CDYL: variants seen among roughly 807,000 people sequenced by gnomAD.
The protein encoded by CDYL is chromodomain Y-like protein.
A neutral mutation model predicts 47.3 loss-of-function variants in CDYL; 8 were observed. The observed-to-expected ratio is 0.17, with a 90% confidence interval of 0.10 to 0.31. The LOEUF is 0.31. Ranked by LOEUF, CDYL falls within the 10% of genes least tolerant of loss-of-function variation. CDYL has a pLI of 1.00. For synonymous variants in CDYL, 266 were observed against 265.0 expected (o/e 1.00, Z -0.04); for missense variants, 471 against 701.4 (o/e 0.67, Z 3.71).
At position 4,776,637 on chromosome 6, in the gene CDYL, A is replaced by T; in HGVS notation, c.-147A>T. The T allele has an allele frequency of 3.6e-6, 2 of 553,110 alleles. No homozygotes were observed. The highest frequency in any genetic ancestry group is 2.1e-5 in the African/African-American group (1 of 47,312). 34.3% of individuals were successfully genotyped at this position (553,110 alleles called of 1,614,324 possible). A position where few individuals can be genotyped will look rare whatever the true frequency, so the allele number is the denominator to read the frequency against. The stretch of plus-strand genomic sequence containing the variant: ...CCGGCCCGCACTGGCCGCGGAGTGC[A>T]AGAGGCTCGTCCGTGCCCAGCGCCC... On this transcript the variant is annotated 5_prime_UTR_variant, in exon 1 of 7. Transcript: ENST00000397588.
chr6:4,883,895 A>G (rs79744005), intron 1 of CDYL, among the ~76,000 whole-genome samples: 4,044 of 152,274 alleles, frequency 0.027, 59 homozygotes, highest in Middle Eastern at 0.088. Flanking sequence ...AAAAAACTCC[A>G]TCAGATCCTG....
Position 4,776,738 on chromosome 6 carries a change from G to GCCCC in CDYL, c.-43_-42insCCCC. 2.4e-6 allele frequency: 3 copies of GCCCC among 1,250,236 alleles called. No homozygotes were observed. The highest frequency in any genetic ancestry group is 3.1e-6 in the Non-Finnish European group (3 of 969,228). 77.4% of individuals were successfully genotyped at this position (1,250,236 alleles called of 1,614,324 possible). On this transcript the variant is annotated 5_prime_UTR_variant, in exon 1 of 7. Coordinates refer to ENST00000397588, the MANE Select transcript of CDYL (RefSeq NM_004824.4). ...AAAGTGTCGGCCGCCCGGCGCCGGC[G>GCCCC]CCCGCCCCGACCCTGCCCCTCCCGC...
At chr6:4,798,437 GTCC>G (rs1275763729) in intron 1 of CDYL, among the ~76,000 whole-genome samples, 1 of 152,112 alleles carries the variant, frequency 6.6e-6, no homozygotes, top group Admixed American at 6.5e-5. Context: ...AAAGTCTCCT[GTCC>G]TCCTTTTCTA....
intron 2 of CDYL, among the ~76,000 whole-genome samples, chr6:4,734,231 G>T (rs9378411): frequency 0.078 from 11,730 of 151,132 alleles, 495 homozygotes; most frequent in East Asian, 0.15. Context: ...CAGCTGTCCT[G>T]ACAGTCAAAC....
chr6:4,805,664 C>T (rs9502240), intron 1 of CDYL, among the ~76,000 whole-genome samples: 6 of 152,176 alleles, frequency 3.9e-5, no homozygotes, highest in African/African-American at 1.2e-4. Context: ...ACTGAAGGCC[C>T]GGGAACCAGG....
At chr6:4,740,264 G>GAACA (rs1482999210) in intron 3 of CDYL, among the ~76,000 whole-genome samples, 1 of 152,160 alleles carries the variant, frequency 6.6e-6, no homozygotes, top group Non-Finnish European at 1.5e-5. Flanking sequence ...GTGTATCACA[G>GAACA]AACAACACAG....
intron 2 of CDYL, among the ~76,000 whole-genome samples, chr6:4,911,446 G>T (rs1003437749): frequency 2.6e-5 from 4 of 152,194 alleles, no homozygotes; most frequent in African/African-American, 7.2e-5. Flanking sequence ...AAACAGTTTT[G>T]CCCTAGGTCA....
upstream of CDYL, chr6:4,774,758 C>G (rs1758393274): frequency 6.6e-6 from 1 of 152,194 alleles, no homozygotes; most frequent in Non-Finnish European, 1.5e-5. Flanking sequence ...GTAGACAAAC[C>G]TTAAAATACA....
At chr6:4,895,625 A>G (rs896834341) in intron 2 of CDYL, among the ~76,000 whole-genome samples, 22 of 151,968 alleles carry the variant, frequency 1.4e-4, no homozygotes, top group Admixed American at 6.5e-5. Flanking sequence ...CAAGGTTAAG[A>G]GCTCTAGTCC....
Position 4,709,438 on chromosome 6 carries a change from C to T in CDYL, c.-39+3187C>T, listed in dbSNP as rs180812912. 2.2e-3 allele frequency among the ~76,000 whole-genome samples: 328 copies of T among 152,238 alleles called. 3 individuals are homozygous for T. Among genetic ancestry groups the T allele is most frequent in the African/African-American group, 7.8e-3 (323 of 41,542 alleles). ...GTCTTGAACTTCTGACCTTGTGATC[C>T]GCCTGCCTCGGCTTCCCAAAGTGCT... On this transcript the variant is annotated intron_variant, in intron 1 of 8. Transcript: ENST00000328908.
At chr6:4,712,242 T>C (rs374479116) in intron 1 of CDYL, among the ~76,000 whole-genome samples, 1 of 152,068 alleles carries the variant, frequency 6.6e-6, no homozygotes, top group East Asian at 1.9e-4. Context: ...TAGGAGCACA[T>C]GTTCATGAGA....
intron 5 of CDYL, among the ~76,000 whole-genome samples, chr6:4,951,902 G>A (rs1581296959): frequency 6.6e-6 from 1 of 152,176 alleles, no homozygotes; most frequent in South Asian, 2.1e-4. Flanking sequence ...GCATTAGGGG[G>A]AGGAAGGCAG....
chr6:4,950,515 G>A (rs1351305617), intron 5 of CDYL, among the ~76,000 whole-genome samples: 1 of 152,180 alleles, frequency 6.6e-6, no homozygotes, highest in East Asian at 1.9e-4. Context: ...TGGATCTGCC[G>A]TGACAAGGAC....
intron 2 of CDYL, among the ~76,000 whole-genome samples, chr6:4,721,557 T>C (rs758258753): frequency 6.6e-6 from 1 of 152,030 alleles, no homozygotes; most frequent in Non-Finnish European, 1.5e-5. Context: ...ATAATTTTTG[T>C]ATTTTTAGCA....
chr6:4,862,389 C>T (rs776671127), intron 1 of CDYL, among the ~76,000 whole-genome samples: 5 of 152,180 alleles, frequency 3.3e-5, no homozygotes, highest in Non-Finnish European at 7.3e-5. Flanking sequence ...CATGACGTGG[C>T]CATCAGCTCT....
chr6:4,938,826 G>A (rs950834319), intron 4 of CDYL, among the ~76,000 whole-genome samples: 4 of 152,120 alleles, frequency 2.6e-5, no homozygotes, highest in African/African-American at 9.7e-5. Flanking sequence ...TCTGCTATAT[G>A]ATAACATATA....
chr6:4,780,386 A>AC (rs1758579670), intron 1 of CDYL, among the ~76,000 whole-genome samples: 1 of 35,370 alleles, frequency 2.8e-5, no homozygotes, highest in Non-Finnish European at 5.4e-5. Context: ...GACGTGCACC[A>AC]CCCCCGCCTA....
chr6:4,903,709 T>C (rs1334636523), intron 2 of CDYL, among the ~76,000 whole-genome samples: 1 of 152,218 alleles, frequency 6.6e-6, no homozygotes, highest in Admixed American at 6.5e-5. Flanking sequence ...AGCTGGAGTC[T>C]GCTTTACTTG....
rs567645692 is a variant in CDYL, at chr6:4,834,999, C to T, written c.25-56714C>T. On this transcript the variant is annotated intron_variant, in intron 1 of 6. Transcript: ENST00000397588. ...TCTAAATTTTTTTTGAAGTTTTTAA[C>T]TTCTTTGCCTTTGGTTTGAATTTCC... Among the ~76,000 whole-genome samples the T allele has an allele frequency of 1.3e-3, 193 of 152,254 alleles. 1 individual carries two copies. The highest frequency in any genetic ancestry group is 4.3e-3 in the African/African-American group (178 of 41,550).
Sources: allele counts gnomAD v4.1 joint callset (sites outside exome capture counted in the v4.1 genomes callset), GRCh38; gene constraint gnomAD v4.1.1; transcripts MANE v1.5; gene names NCBI Gene and HGNC (gene_info 2026-07-23, HGNC 2026-07-21).